TAB2: variants seen among roughly 807,000 people sequenced by gnomAD.
The protein encoded by TAB2 is TGF-beta activated kinase 1 (MAP3K7) binding protein 2.
Under a neutral mutation model 65.0 loss-of-function variants are expected in TAB2, and 3 were observed. The observed-to-expected ratio is 0.05, with a 90% CI of 0.02 to 0.12. The LOEUF is 0.12. Among genes scored for constraint, TAB2 ranks in the 10% least tolerant of loss-of-function variants. The pLI is 1.00. For synonymous variants in TAB2, 298 were observed against 285.1 expected, an observed-to-expected ratio of 1.05 and a Z score of -0.46; for missense variants, 623 against 840.3, an observed-to-expected ratio of 0.74 and a Z score of 3.20.
intron 1 of TAB2, among the ~76,000 whole-genome samples, chr6:149,289,262 T>C (rs1778731749): frequency 6.6e-6 from 1 of 152,072 alleles, no homozygotes; most frequent in South Asian, 2.1e-4. Context: ...GTGCAGTGGC[T>C]CATGCCTGTA....
chr6:149,316,191 T>G (rs1779247503), upstream of TAB2, among the ~76,000 whole-genome samples: 1 of 152,248 alleles, frequency 6.6e-6, no homozygotes, highest in Non-Finnish European at 1.5e-5. Context: ...AATTTTACTT[T>G]TGCTTCTCTT....
intron 1 of TAB2, among the ~76,000 whole-genome samples, chr6:149,365,715 C>T (rs1781018867): frequency 6.6e-6 from 1 of 151,666 alleles, no homozygotes; most frequent in South Asian, 2.1e-4. Flanking sequence ...CTCATTCTTT[C>T]TCCCCTTTCC....
intron 1 of TAB2, among the ~76,000 whole-genome samples, chr6:149,287,458 T>C (rs147306088): frequency 1.4e-5 from 2 of 147,100 alleles, no homozygotes; most frequent in East Asian, 2.0e-4. Context: ...TACAAGGGAA[T>C]ATAACAAGCA....
At chr6:149,398,481 C>A (rs1377922673) in intron 5 of TAB2, among the ~76,000 whole-genome samples, 2 of 151,924 alleles carry the variant, frequency 1.3e-5, no homozygotes, top group Admixed American at 6.6e-5. Flanking sequence ...GGAATCTAAC[C>A]AAAAGAGAAG....
chr6:149,357,430 A>AAAAAAACACACACACAC, intron 1 of TAB2, among the ~76,000 whole-genome samples: 2,716 of 110,746 alleles, frequency 0.025, 67 homozygotes, highest in Non-Finnish European at 0.027. Flanking sequence ...AGAAAAAAAA[A>AAAAAAACACACACACAC]ACACACACAC....
At position 149,411,411 on chromosome 6, in the gene TAB2, G is replaced by A. The variant is rs1367006765; in HGVS notation, c.*1692G>A. ...TAGACCCAAAGCCCTTACGTTTGAT[G>A]CAATTTATTTTTAAAATAGGCCTTG... On this transcript the variant is annotated 3_prime_UTR_variant, in exon 7 of 7. Transcript: ENST00000637181. 1 of 152,510 alleles carries A rather than the reference G, an allele frequency of 6.6e-6. No individual in the cohort carries two copies. The highest frequency in any genetic ancestry group is 2.4e-5 in the African/African-American group (1 of 41,396). The allele number at this position is 152,510 out of a possible 1,614,324, so 9.4% of individuals were successfully genotyped here.
At chr6:149,314,291 C>A (rs1279462796), upstream of TAB2, among the ~76,000 whole-genome samples, 2 of 152,178 alleles carry the variant, frequency 1.3e-5, no homozygotes, top group African/African-American at 2.4e-5. Flanking sequence ...CCTAAAGAAT[C>A]ATTTGTTCAT....
upstream of TAB2, among the ~76,000 whole-genome samples, chr6:149,314,023 G>C (rs1583079550): frequency 6.6e-6 from 1 of 152,308 alleles, no homozygotes; most frequent in Admixed American, 6.5e-5. Context: ...CCTGGTCCTG[G>C]ATGATATCAT....
chr6:149,297,442 T>A (rs886306552), intron 1 of TAB2, among the ~76,000 whole-genome samples: 2 of 152,244 alleles, frequency 1.3e-5, no homozygotes, highest in Non-Finnish European at 2.9e-5. Flanking sequence ...CTCAAACTTT[T>A]TAGTTCATAC....
At chr6:149,330,353 TTAAA>T (rs1389444175) in intron 1 of TAB2, among the ~76,000 whole-genome samples, 1 of 152,202 alleles carries the variant, frequency 6.6e-6, no homozygotes. Context: ...AAATGTATGT[TTAAA>T]TAAGAAACTG....
chr6:149,404,786 A>G (rs925022787), intron 6 of TAB2, among the ~76,000 whole-genome samples: 9 of 152,208 alleles, frequency 5.9e-5, no homozygotes, highest in African/African-American at 1.9e-4. Flanking sequence ...AAAAATGTAA[A>G]CATAAGACCT....
intron 3 of TAB2, among the ~76,000 whole-genome samples, chr6:149,390,374 CCTAAAATCT>C (rs1562449072): frequency 6.6e-6 from 1 of 152,062 alleles, no homozygotes; most frequent in African/African-American, 2.4e-5. Flanking sequence ...TTTAAAGAAG[CCTAAAATCT>C]TTGTATCTAC....
chr6:149,272,038 C>T (rs767575616), intron 1 of TAB2, among the ~76,000 whole-genome samples: 9 of 152,130 alleles, frequency 5.9e-5, no homozygotes, highest in Middle Eastern at 3.4e-3. Context: ...AAGAGGAAGT[C>T]ATTGAGTAAT....
At chr6:149,366,846 T>C (rs946766470) in intron 1 of TAB2, among the ~76,000 whole-genome samples, 7 of 152,138 alleles carry the variant, frequency 4.6e-5, no homozygotes, top group Non-Finnish European at 8.8e-5. Context: ...GATTTCAGTG[T>C]ATGTTTTAAT....
chr6:149,349,437 A>G (rs1050859342), intron 1 of TAB2, among the ~76,000 whole-genome samples: 80 of 151,018 alleles, frequency 5.3e-4, no homozygotes, highest in Non-Finnish European at 8.4e-4. Flanking sequence ...AAAAAAAAAA[A>G]GGTAGTCAAG....
chr6:149,218,879 G>A (rs967613940), intron 1 of TAB2: 2 of 430,548 alleles, frequency 4.6e-6, no homozygotes, highest in East Asian at 1.4e-4. Flanking sequence ...AATGCACACT[G>A]TGAGTAAAGA....
At chr6:149,336,206 T>C (rs1779930615) in intron 1 of TAB2, among the ~76,000 whole-genome samples, 1 of 152,234 alleles carries the variant, frequency 6.6e-6, no homozygotes, top group African/African-American at 2.4e-5. Context: ...GTGCTGACTT[T>C]AGTGCTCCTT....
chr6:149,363,007 A>C (rs912119145), intron 1 of TAB2, among the ~76,000 whole-genome samples: 1 of 152,194 alleles, frequency 6.6e-6, no homozygotes, highest in African/African-American at 2.4e-5. Flanking sequence ...AATATTCTAC[A>C]GTTTTTTAAA....
chr6:149,219,469 G>C (rs12200718), intron 1 of TAB2, among the ~76,000 whole-genome samples: 1 of 152,088 alleles, frequency 6.6e-6, no homozygotes, highest in East Asian at 1.9e-4. Flanking sequence ...CAGATTGCCC[G>C]CTAGTAAAGT....
Sources: allele counts gnomAD v4.1 joint callset (sites outside exome capture counted in the v4.1 genomes callset), GRCh38; gene constraint gnomAD v4.1.1; transcripts MANE v1.5; gene names NCBI Gene and HGNC (gene_info 2026-07-23, HGNC 2026-07-21).